Variants in TAFA5 observed in about 807,000 individuals in gnomAD.
The protein encoded by TAFA5 is chemokine-like protein TAFA-5.
Under a neutral mutation model 15.3 loss-of-function variants are expected in TAFA5, and 6 were observed. The observed-to-expected ratio is 0.39, with a 90% confidence interval of 0.21 to 0.77. The LOEUF (loss-of-function observed/expected upper bound fraction) is 0.77, where lower values mean the gene tolerates loss of function less well. TAFA5 is among the 30% of genes least tolerant of loss of function. The pLI is 0.41. For synonymous variants in TAFA5, 103 were observed against 80.7 expected (o/e 1.28, Z -1.48); for missense variants, 161 against 193.1 (o/e 0.83, Z 0.98).
chr22:48,743,237 G>A (rs1276554458), intron 3 of TAFA5, among the ~76,000 whole-genome samples: 1 of 151,998 alleles, frequency 6.6e-6, no homozygotes, highest in Non-Finnish European at 1.5e-5. Context: ...GGGTCCAGAC[G>A]TCTGTGGTCA....
intron 1 of TAFA5, among the ~76,000 whole-genome samples, chr22:48,615,784 C>T (rs1214067592): frequency 3.3e-5 from 5 of 152,096 alleles, no homozygotes; most frequent in South Asian, 2.1e-4. Flanking sequence ...CAGGTCATTG[C>T]GGGGGACCAT....
rs566639341 is a variant in TAFA5, at chr22:48,694,919, G to A, written c.263-12798G>A. 3.4e-5 allele frequency among the ~76,000 whole-genome samples: 5 copies of A among 148,984 alleles called. No homozygotes were observed. In the East Asian group the frequency reaches 1.0e-3, roughly 30 times the overall value. On this transcript the variant is annotated intron_variant, in intron 2 of 3. Coordinates refer to ENST00000402357, the MANE Select transcript of TAFA5 (RefSeq NM_001082967.3). ...AGGCTGGGACCACTGGGGAGGTCAG[G>A]CCTCAAAGTGCTGCCTCCCATCGGG...
chr22:48,681,363 C>T (rs1601667444), intron 2 of TAFA5, among the ~76,000 whole-genome samples: 1 of 152,040 alleles, frequency 6.6e-6, no homozygotes, highest in South Asian at 2.1e-4. Flanking sequence ...AGAGATGAGG[C>T]CGGGTGCGGT....
chr22:48,646,995 CTA>C (rs1926892307), intron 2 of TAFA5, among the ~76,000 whole-genome samples: 1 of 152,164 alleles, frequency 6.6e-6, no homozygotes, highest in Non-Finnish European at 1.5e-5. Flanking sequence ...CCTTACTTGC[CTA>C]TGTTTGGGGC....
intron 2 of TAFA5, among the ~76,000 whole-genome samples, chr22:48,654,201 C>T (rs1353949667): frequency 6.6e-6 from 1 of 152,100 alleles, no homozygotes; most frequent in Non-Finnish European, 1.5e-5. Context: ...GACACAGGGC[C>T]CCTGTGCTGC....
At chr22:48,542,538 T>C (rs1398635854) in intron 1 of TAFA5, among the ~76,000 whole-genome samples, 3 of 107,634 alleles carry the variant, frequency 2.8e-5, no homozygotes, top group African/African-American at 1.2e-4. Context: ...TGGTGTGTGG[T>C]GTGTGTGTGA....
intron 1 of TAFA5, chr22:48,539,148 G>A (rs772462061): frequency 2.9e-5 from 9 of 312,252 alleles, no homozygotes; most frequent in Admixed American, 2.0e-4. Context: ...CTGACCTGCC[G>A]AGTAATTGCC....
chr22:48,725,975 A>AT (rs1296257272), intron 3 of TAFA5, among the ~76,000 whole-genome samples: 2 of 152,196 alleles, frequency 1.3e-5, no homozygotes, highest in African/African-American at 4.8e-5. Flanking sequence ...TTTTATGGTG[A>AT]TATCTTTGAA....
intron 1 of TAFA5, among the ~76,000 whole-genome samples, chr22:48,519,688 T>C (rs1270209228): frequency 6.6e-6 from 1 of 152,162 alleles, no homozygotes; most frequent in African/African-American, 2.4e-5. Flanking sequence ...CGCGTTCTTC[T>C]TGGAGCCCTG....
intron 1 of TAFA5, among the ~76,000 whole-genome samples, chr22:48,577,676 G>T (rs1222231020): frequency 6.6e-6 from 1 of 152,230 alleles, no homozygotes; most frequent in Non-Finnish European, 1.5e-5. Flanking sequence ...GCAGGTAGGT[G>T]CAGGAGCCCG....
At chr22:48,492,478 T>C (rs767841040) in intron 1 of TAFA5, among the ~76,000 whole-genome samples, 1 of 152,200 alleles carries the variant, frequency 6.6e-6, no homozygotes, top group Non-Finnish European at 1.5e-5. Context: ...TTGGGGGGAT[T>C]CTACTGTTCT....
At chr22:48,645,196 G>T (rs1295763122) in intron 1 of TAFA5, among the ~76,000 whole-genome samples, 2 of 152,208 alleles carry the variant, frequency 1.3e-5, no homozygotes, top group African/African-American at 4.8e-5. Flanking sequence ...ACCGTTCAGG[G>T]CAGATTTGGG....
chr22:48,558,538 C>T (rs1480966829), intron 1 of TAFA5, among the ~76,000 whole-genome samples: 4 of 152,178 alleles, frequency 2.6e-5, no homozygotes, highest in African/African-American at 7.2e-5. Context: ...GTGTTTGCCA[C>T]GGTCTCTCTC....
intron 2 of TAFA5, among the ~76,000 whole-genome samples, chr22:48,687,202 G>T (rs1457370925): frequency 6.6e-6 from 1 of 151,606 alleles, no homozygotes; most frequent in Non-Finnish European, 1.5e-5. Flanking sequence ...GGGAGGATGG[G>T]TGGGTGGTGT....
At chr22:48,578,986 T>G (rs923403283) in intron 1 of TAFA5, among the ~76,000 whole-genome samples, 3 of 152,230 alleles carry the variant, frequency 2.0e-5, no homozygotes. Flanking sequence ...ACTTGTTGTC[T>G]GGGCCTGAGT....
intron 3 of TAFA5, among the ~76,000 whole-genome samples, chr22:48,727,689 G>C (rs779423293): frequency 6.6e-6 from 1 of 152,166 alleles, no homozygotes; most frequent in Non-Finnish European, 1.5e-5. Flanking sequence ...ATAGCCAAAC[G>C]TGTTGTCTTC....
chr22:48,620,480 G>A (rs1208609442), intron 1 of TAFA5, among the ~76,000 whole-genome samples: 1 of 151,962 alleles, frequency 6.6e-6, no homozygotes, highest in Non-Finnish European at 1.5e-5. Flanking sequence ...TGCTACGGCT[G>A]CCTCCTCAGA....
intron 1 of TAFA5, among the ~76,000 whole-genome samples, chr22:48,522,134 T>A (rs142923155): frequency 1.3e-3 from 197 of 152,286 alleles, no homozygotes; most frequent in African/African-American, 4.7e-3. Flanking sequence ...GTTTTTGTTT[T>A]TTCCCACGTA....
At chr22:48,648,611 C>T (rs1019973946) in intron 2 of TAFA5, among the ~76,000 whole-genome samples, 2 of 152,096 alleles carry the variant, frequency 1.3e-5, no homozygotes, top group Admixed American at 1.3e-4. Context: ...GAGGCTGAGG[C>T]AGGTGGATCA....
Sources: allele counts gnomAD v4.1 joint callset (sites outside exome capture counted in the v4.1 genomes callset), GRCh38; gene constraint gnomAD v4.1.1; transcripts MANE v1.5; gene names NCBI Gene and HGNC (gene_info 2026-07-23, HGNC 2026-07-21).